The following MAP4 variants were observed in gnomAD, a reference collection of about 807,000 sequenced individuals.
MAP4 encodes microtubule-associated protein 4.
MAP4 carries 76 observed loss-of-function variants against 170.2 expected under a neutral mutation model. That is an observed-to-expected ratio of 0.45 (90% confidence interval 0.37 to 0.54). The LOEUF (loss-of-function observed/expected upper bound fraction) is 0.54, where lower values mean the gene tolerates loss of function less well. Ranked by LOEUF, MAP4 falls within the 20% of genes least tolerant of loss-of-function variation. The probability of loss-of-function intolerance (pLI) is 0.00; values close to 1 mark genes in which losing one functional copy is unlikely to be tolerated. For synonymous variants in MAP4, 909 were observed against 994.5 expected, an observed-to-expected ratio of 0.91 and a Z score of 1.62; for missense variants, 2,506 against 2,748.0, an observed-to-expected ratio of 0.91 and a Z score of 1.97.
At chr3:47,928,802 G>A (rs1328728365) in intron 3 of MAP4, among the ~76,000 whole-genome samples, 3 of 148,852 alleles carry the variant, frequency 2.0e-5, no homozygotes, top group Admixed American at 1.3e-4. Flanking sequence ...ACTGTCAAAA[G>A]CAACAATTTC....
intron 3 of MAP4, among the ~76,000 whole-genome samples, chr3:47,935,293 CAG>C (rs1184768989): frequency 6.6e-6 from 1 of 151,948 alleles, no homozygotes; most frequent in East Asian, 1.9e-4. Flanking sequence ...AGCTGGGAAA[CAG>C]AGAAAGAGAC....
chr3:48,079,751 G>C (rs1445564206), intron 1 of MAP4, among the ~76,000 whole-genome samples: 2 of 151,974 alleles, frequency 1.3e-5, no homozygotes, highest in Admixed American at 6.6e-5. Flanking sequence ...GAGATCGAGA[G>C]CATCCTGGCT....
At chr3:47,924,291 C>A (rs922724868) in intron 4 of MAP4, among the ~76,000 whole-genome samples, 4 of 152,090 alleles carry the variant, frequency 2.6e-5, no homozygotes, top group Non-Finnish European at 5.9e-5. Context: ...CAAACCTTTT[C>A]TCTCTCTACA....
At chr3:48,061,680 G>GC (rs2100135394) in intron 1 of MAP4, among the ~76,000 whole-genome samples, 1 of 151,832 alleles carries the variant, frequency 6.6e-6, no homozygotes, top group South Asian at 2.1e-4. Flanking sequence ...GAGCCCCTCT[G>GC]CCCGGCAGCC....
intron 9 of MAP4, among the ~76,000 whole-genome samples, chr3:47,907,301 G>C (rs1339657314): frequency 1.3e-5 from 2 of 152,196 alleles, no homozygotes; most frequent in East Asian, 3.8e-4. Flanking sequence ...TGTGAACACT[G>C]GTTGCTCTGG....
intron 1 of MAP4, among the ~76,000 whole-genome samples, chr3:48,028,322 A>G (rs1388232951): frequency 6.6e-6 from 1 of 152,196 alleles, no homozygotes; most frequent in African/African-American, 2.4e-5. Flanking sequence ...CAGGAGTTTA[A>G]GTACGACACA....
At chr3:47,871,149 G>C (rs748937190) in intron 14 of MAP4, 44 bp from the exon 15 acceptor site, 3 of 1,610,930 alleles carry the variant, frequency 1.9e-6, no homozygotes, top group Non-Finnish European at 8.5e-7. Context: ...CAGGGAGAGA[G>C]AGAAAAAGGG....
intron 3 of MAP4, among the ~76,000 whole-genome samples, chr3:47,950,658 T>TGA (rs1234303573): frequency 3.3e-5 from 5 of 152,192 alleles, no homozygotes; most frequent in Non-Finnish European, 7.3e-5. Context: ...CTGATGAATT[T>TGA]AAGGTCTGGC....
intron 10 of MAP4, chr3:47,891,838 C>T: frequency 6.5e-7 from 1 of 1,536,202 alleles, no homozygotes; most frequent in Non-Finnish European, 8.7e-7. Flanking sequence ...CATTTACCAC[C>T]CCAATCACTG....
intron 3 of MAP4, 57 bp downstream of exon 3, chr3:47,977,808 A>C (rs972604682): frequency 9.0e-7 from 1 of 1,113,934 alleles, no homozygotes; most frequent in Middle Eastern, 2.0e-4. Flanking sequence ...GAGATTATCA[A>C]GGTGTTCATT....
Position 47,871,275 on chromosome 3 carries a change from C to T in MAP4, c.5953G>A (p.Glu1985Lys). 1 of 1,613,852 alleles carries T rather than the reference C, an allele frequency of 6.2e-7. No homozygotes were observed. The highest frequency in any genetic ancestry group is 8.5e-7 in the Non-Finnish European group (1 of 1,179,690). Residue 1985 changes from glutamate (E) to lysine (K), a missense_variant, in exon 14 of 21, where the codon GAG (glutamate) becomes AAG (lysine). Transcript: ENST00000683076. Reference sequence around the variant, plus strand: ...TTCTTGACTTCTGCAGGTTTTCCCTCAGTCTTAATGGCTGTACAAAATATA... The same window carrying T: ...TTCTTGACTTCTGCAGGTTTTCCCTTAGTCTTAATGGCTGTACAAAATATA... ...LPKKPTAIKT[E>K]GKPAEVKKMT... is the part of the protein sequence containing the mutation.
chr3:48,039,122 A>G (rs2100120341), intron 1 of MAP4: 3 of 152,214 alleles, frequency 2.0e-5, no homozygotes, highest in Admixed American at 2.0e-4. Flanking sequence ...CAAACAAACA[A>G]AAACAGCAAC....
chr3:47,883,638 G>A (rs1412217719), intron 10 of MAP4, among the ~76,000 whole-genome samples: 6 of 152,080 alleles, frequency 3.9e-5, no homozygotes, highest in African/African-American at 7.2e-5. Context: ...TTCTCTAAGG[G>A]TATGTCTACT....
In MAP4 at chr3:47,851,696, G is replaced by A. The variant is rs1416119833; in HGVS notation, c.*1238C>T. 6.6e-6 allele frequency: 1 copy of A among 152,302 alleles called. No homozygotes were observed. Among genetic ancestry groups the A allele is most frequent in the Non-Finnish European group, 1.5e-5 (1 of 68,088 alleles). The allele number at this position is 152,302 out of a possible 1,614,324, so 9.4% of individuals were successfully genotyped here. On this transcript the variant is annotated 3_prime_UTR_variant, in exon 21 of 21. Transcript: ENST00000683076. ...CCAAGGCCTAGCTGGGATGCCCTCTGTGGGCCTTGCCTCTCCTCCCTCCCC... is the reference window on the plus strand; with the variant it reads ...CCAAGGCCTAGCTGGGATGCCCTCTATGGGCCTTGCCTCTCCTCCCTCCCC...
chr3:47,984,391 G>C (rs1447779962), intron 2 of MAP4, among the ~76,000 whole-genome samples: 1 of 152,084 alleles, frequency 6.6e-6, no homozygotes, highest in Non-Finnish European at 1.5e-5. Flanking sequence ...CATTTCAACT[G>C]GCTTGGAAAC....
intron 10 of MAP4, among the ~76,000 whole-genome samples, chr3:47,895,838 T>G (rs1389216672): frequency 6.6e-6 from 1 of 152,228 alleles, no homozygotes; most frequent in Non-Finnish European, 1.5e-5. Flanking sequence ...ATGAAGCTAG[T>G]CAGGCACAAA....
intron 2 of MAP4, among the ~76,000 whole-genome samples, chr3:47,980,674 A>G (rs1409935525): frequency 6.6e-6 from 1 of 152,188 alleles, no homozygotes; most frequent in Non-Finnish European, 1.5e-5. Context: ...TGTAACATAT[A>G]CCCTGCTAAG....
chr3:47,919,024 C>T (rs927104570), intron 5 of MAP4, among the ~76,000 whole-genome samples, 183 bp from the exon 6 acceptor site: 5 of 152,052 alleles, frequency 3.3e-5, no homozygotes, highest in South Asian at 4.1e-4. Context: ...CTCCGCTTCC[C>T]GGGTTCACGC....
At chr3:47,927,401 G>C (rs751201247) in intron 4 of MAP4, among the ~76,000 whole-genome samples, 2 of 152,142 alleles carry the variant, frequency 1.3e-5, no homozygotes, top group Admixed American at 6.5e-5. Flanking sequence ...ATTCCTTTAA[G>C]GCTCTTTTGG....
Sources: allele counts gnomAD v4.1 joint callset (sites outside exome capture counted in the v4.1 genomes callset), GRCh38; gene constraint gnomAD v4.1.1; transcripts MANE v1.5; gene names NCBI Gene and HGNC (gene_info 2026-07-23, HGNC 2026-07-21).